Variants in TENM4 observed in about 807,000 individuals in gnomAD.
The protein encoded by TENM4 is teneurin transmembrane protein 4.
In TENM4, 82 loss-of-function variants were observed where a neutral mutation model predicts 243.3. The observed-to-expected ratio is 0.34, with a 90% CI of 0.28 to 0.40. The LOEUF is 0.40. Among genes scored for constraint, TENM4 ranks in the 10% least tolerant of loss-of-function variants. The pLI is 1.00. For synonymous variants in TENM4, 1,412 were observed against 1,456.3 expected (o/e 0.97, Z 0.69); for missense variants, 3,138 against 3,673.3 (o/e 0.85, Z 3.77).
intron 1 of TENM4, among the ~76,000 whole-genome samples, chr11:79,391,496 T>C (rs928045308): frequency 6.6e-6 from 1 of 152,130 alleles, no homozygotes; most frequent in Non-Finnish European, 1.5e-5. Context: ...AATCTTCATC[T>C]CTCTATGAAT....
chr11:78,762,647 C>T (rs1376433674), intron 18 of TENM4, among the ~76,000 whole-genome samples: 2 of 152,144 alleles, frequency 1.3e-5, no homozygotes, highest in African/African-American at 2.4e-5. Flanking sequence ...ACAAAACTTC[C>T]ACCAATGGAG....
At chr11:79,061,203 G>T (rs1299910057) in intron 6 of TENM4, among the ~76,000 whole-genome samples, 3 of 152,152 alleles carry the variant, frequency 2.0e-5, no homozygotes, top group African/African-American at 7.2e-5. Flanking sequence ...GAATAAAAGG[G>T]AGCCATTCCC....
rs1287532998 is a variant in TENM4 at position 79,327,595 on chromosome 11, G to T, written c.-320-30052C>A. Among the ~76,000 whole-genome samples the T allele has an allele frequency of 2.7e-5, 4 of 150,140 alleles. No homozygotes were observed. In the East Asian group the frequency reaches 7.8e-4, roughly 29 times the overall value. On this transcript the variant is annotated intron_variant, in intron 1 of 33. Coordinates refer to ENST00000278550, the MANE Select transcript of TENM4 (RefSeq NM_001098816.3). ...AGAAAACTGAGTCTTAGTGACTTGT[G>T]CATGTTGCCCCAAATCACTTATAGC...
chr11:79,009,725 T>C (rs570810448), intron 6 of TENM4, among the ~76,000 whole-genome samples: 1 of 152,322 alleles, frequency 6.6e-6, no homozygotes, highest in South Asian at 2.1e-4. Context: ...GACCAACGTC[T>C]TGGGGAAAGT....
intron 28 of TENM4, among the ~76,000 whole-genome samples, chr11:78,699,799 G>A (rs1189218287): frequency 6.6e-6 from 1 of 152,228 alleles, no homozygotes; most frequent in African/African-American, 2.4e-5. Context: ...GCAGTGATGT[G>A]TGAGCATTCG....
intron 3 of TENM4, among the ~76,000 whole-genome samples, chr11:79,194,251 A>G (rs1257787336): frequency 1.3e-5 from 2 of 151,878 alleles, no homozygotes; most frequent in African/African-American, 2.4e-5. Context: ...CCAGTTTTGG[A>G]TATGTCTTTA....
At chr11:79,284,965 C>T (rs978184332) in intron 2 of TENM4, among the ~76,000 whole-genome samples, 2 of 152,072 alleles carry the variant, frequency 1.3e-5, no homozygotes, top group African/African-American at 2.4e-5. Context: ...TGGCCAGGCA[C>T]GGTGGCTCAC....
chr11:79,185,598 C>T (rs1359934309), intron 3 of TENM4, among the ~76,000 whole-genome samples: 2 of 152,150 alleles, frequency 1.3e-5, no homozygotes, highest in Non-Finnish European at 2.9e-5. Context: ...CCACAGAATG[C>T]TATTTACCAT....
At chr11:79,216,709 C>A (rs542430156) in intron 2 of TENM4, among the ~76,000 whole-genome samples, 48 of 152,308 alleles carry the variant, frequency 3.2e-4, no homozygotes, top group Non-Finnish European at 6.5e-4. Context: ...CCGCCTTTTC[C>A]CCTGGGATGA....
At chr11:78,833,150 A>G (rs1282246189) in intron 12 of TENM4, among the ~76,000 whole-genome samples, 3 of 152,202 alleles carry the variant, frequency 2.0e-5, no homozygotes, top group African/African-American at 2.4e-5. Context: ...CTAAATCAAA[A>G]TAATATATGT....
At chr11:79,004,137 T>C (rs954800524) in intron 6 of TENM4, among the ~76,000 whole-genome samples, 7 of 152,230 alleles carry the variant, frequency 4.6e-5, no homozygotes, top group African/African-American at 1.7e-4. Flanking sequence ...CTCAGATTCA[T>C]AAAGCAAGTT....
intron 1 of TENM4, among the ~76,000 whole-genome samples, chr11:79,324,863 C>T (rs935771854): frequency 1.3e-5 from 2 of 152,028 alleles, no homozygotes; most frequent in Non-Finnish European, 2.9e-5. Flanking sequence ...TTTCCAGAAC[C>T]AAAATGAGTA....
chr11:79,433,242 C>T (rs966022971), intron 1 of TENM4, among the ~76,000 whole-genome samples: 3 of 152,178 alleles, frequency 2.0e-5, no homozygotes, highest in African/African-American at 7.2e-5. Flanking sequence ...CATGGCAGCA[C>T]CTGGGAGCTG....
chr11:79,177,649 A>G (rs1444418787), intron 3 of TENM4, among the ~76,000 whole-genome samples: 2 of 152,156 alleles, frequency 1.3e-5, no homozygotes, highest in Admixed American at 1.3e-4. Flanking sequence ...TAGGGCGGGA[A>G]TGTCTCTCTG....
At chr11:79,310,820 G>A (rs1856707060) in intron 1 of TENM4, among the ~76,000 whole-genome samples, 1 of 152,184 alleles carries the variant, frequency 6.6e-6, no homozygotes, top group Non-Finnish European at 1.5e-5. Flanking sequence ...ATGGGGGATG[G>A]CTGATGCTTT....
At chr11:79,255,566 T>A (rs544202000) in intron 2 of TENM4, among the ~76,000 whole-genome samples, 70 of 152,306 alleles carry the variant, frequency 4.6e-4, no homozygotes, top group African/African-American at 1.5e-3. Flanking sequence ...TAAAATTAAT[T>A]AAAAATGACG....
At chr11:78,894,597 G>A (rs1855745455) in intron 7 of TENM4, among the ~76,000 whole-genome samples, 1 of 152,208 alleles carries the variant, frequency 6.6e-6, no homozygotes, top group South Asian at 2.1e-4. Context: ...TAGAGTAAGA[G>A]GGTGCCCCAG....
At chr11:79,399,555 C>T (rs1858413951) in intron 1 of TENM4, among the ~76,000 whole-genome samples, 1 of 152,170 alleles carries the variant, frequency 6.6e-6, no homozygotes, top group Non-Finnish European at 1.5e-5. Flanking sequence ...CAAGATGCTA[C>T]TCAAAGCAAG....
chr11:79,125,304 T>A lies in TENM4; in HGVS notation c.-66+23406A>T, dbSNP rs567061080. Among the ~76,000 whole-genome samples, 52 of 152,210 alleles carry A rather than the reference T, an allele frequency of 3.4e-4. 3 individuals carry two copies. The South Asian group carries it at 0.011, about 31-fold the overall frequency. On this transcript the variant is annotated intron_variant, in intron 4 of 33. Coordinates refer to ENST00000278550, the MANE Select transcript of TENM4 (RefSeq NM_001098816.3). ...CTCTTAAGTTCAGTAGACAAAGTGATGAAAGAAAGTAATGAACTCAGGGAT... is the reference window on the plus strand; with the variant it reads ...CTCTTAAGTTCAGTAGACAAAGTGAAGAAAGAAAGTAATGAACTCAGGGAT...
Sources: allele counts gnomAD v4.1 joint callset (sites outside exome capture counted in the v4.1 genomes callset), GRCh38; gene constraint gnomAD v4.1.1; transcripts MANE v1.5; gene names NCBI Gene and HGNC (gene_info 2026-07-23, HGNC 2026-07-21).